Variants in UGT1A9 observed in about 807,000 individuals in gnomAD.
UGT1A9 encodes UDP-glucuronosyltransferase 1A9.
Under a neutral mutation model 45.0 loss-of-function variants are expected in UGT1A9, and 35 were observed. The ratio of observed to expected loss-of-function variants is 0.78; its 90% confidence interval spans 0.59 to 1.03. The LOEUF is 1.03. UGT1A9 is among the 50% of genes least tolerant of loss of function. UGT1A9 has a pLI of 0.00. For missense variants in UGT1A9, 687 were observed against 666.6 expected (o/e 1.03, Z -0.34); for synonymous variants, 278 against 250.6 (o/e 1.11, Z -1.03).
At chr2:233,760,687 A>C in intron 1 of UGT1A9, 1 of 1,614,232 alleles carries the variant, frequency 6.2e-7, no homozygotes, top group Non-Finnish European at 8.5e-7. Context: ...ACTGCACAAC[A>C]AGGAGCTCAT....
At chr2:233,731,558 G>C (rs955136214) in intron 1 of UGT1A9, among the ~76,000 whole-genome samples, 5 of 152,170 alleles carry the variant, frequency 3.3e-5, no homozygotes, top group Non-Finnish European at 5.9e-5. Context: ...CCATGTGATA[G>C]TTTGCTGAGA....
Position 233,772,431 on chromosome 2 carries a change from A to G in UGT1A9, c.1465A>G (p.Ile489Val), listed in dbSNP as rs2126066962. The G allele has an allele frequency of 4.3e-6, 7 of 1,614,128 alleles. No individual in the cohort carries two copies. The East Asian group carries it at 1.6e-4, about 36-fold the overall frequency. The change falls in exon 5 of 5, where the codon ATT (isoleucine) becomes GTT (valine). Residue 489 changes from isoleucine (I) to valine (V), a missense_variant. By Grantham distance (29) the Ile-to-Val change is conservative (BLOSUM62 3). Coordinates refer to ENST00000354728, the MANE Select transcript of UGT1A9 (RefSeq NM_021027.3). ...TWYQYHSLDV[I>V]GFLLAVVLTV... ...GTACCAGTACCATTCCTTGGACGTG[A>G]TTGGTTTCCTCTTGGCCGTCGTGCT...
intron 1 of UGT1A9, among the ~76,000 whole-genome samples, chr2:233,689,511 A>T (rs1348253197): frequency 1.3e-5 from 2 of 152,244 alleles, no homozygotes; most frequent in Admixed American, 1.3e-4. Flanking sequence ...GAGGTTACAC[A>T]TTGGTTTGGT....
chr2:233,716,591 A>G (rs766346960), intron 1 of UGT1A9, among the ~76,000 whole-genome samples: 5 of 152,152 alleles, frequency 3.3e-5, no homozygotes, highest in Non-Finnish European at 7.4e-5. Context: ...CAAAGAGCAA[A>G]AATTTTAGAA....
chr2:233,672,335 T>C lies in UGT1A9; in HGVS notation c.401T>C (p.Val134Ala), dbSNP rs1414612580. 1.2e-6 allele frequency: 2 copies of C among 1,614,170 alleles called. No individual in the cohort carries two copies. Among genetic ancestry groups the C allele is most frequent in the Admixed American group, 3.3e-5 (2 of 60,014 alleles). ...AGTTTGTTTAAAGACAAAAAATTAG[T>C]AGAATACTTAAAGGAGAGTTCTTTT... is the stretch of plus-strand genomic sequence containing the variant. ...CRSLFKDKKL[V>A]EYLKESSFDA... Residue 134 changes from valine to alanine, a missense_variant, in exon 1 of 5, where the codon GTA (valine) becomes GCA (alanine). Transcript: ENST00000354728.
chr2:233,729,599 C>G (rs61764030), intron 1 of UGT1A9: 161 of 1,613,870 alleles, frequency 1.0e-4, no homozygotes, highest in Admixed American at 2.2e-4. Flanking sequence ...AACCTCTGCG[C>G]GGCAGTGCTG....
At chr2:233,758,568 A>G (rs1462095231) in intron 1 of UGT1A9, among the ~76,000 whole-genome samples, 1 of 152,230 alleles carries the variant, frequency 6.6e-6, no homozygotes, top group Non-Finnish European at 1.5e-5. Context: ...TTGGTCCTAA[A>G]AAATGAAGAG....
intron 1 of UGT1A9, among the ~76,000 whole-genome samples, chr2:233,711,822 A>G (rs2076198725): frequency 6.6e-6 from 1 of 152,234 alleles, no homozygotes; most frequent in Admixed American, 6.5e-5. Context: ...TGGGGCGACC[A>G]GGACAAGGAG....
chr2:233,674,617 A>G (rs2074290357), intron 1 of UGT1A9, among the ~76,000 whole-genome samples: 6 of 150,600 alleles, frequency 4.0e-5, no homozygotes, highest in African/African-American at 1.5e-4. Flanking sequence ...ATCAAACTAT[A>G]TATGGTTTCA....
At chr2:233,745,475 T>C (rs1213140846) in intron 1 of UGT1A9, among the ~76,000 whole-genome samples, 1 of 151,692 alleles carries the variant, frequency 6.6e-6, no homozygotes, top group African/African-American at 2.4e-5. Context: ...GGAAAATGAT[T>C]AACCAAAGAA....
chr2:233,725,179 GAGAGGCAGAGGC>G lies in UGT1A9; in HGVS notation c.856-41825_856-41814del, dbSNP rs879478240. ...CTCTGCATGAGAGGGAGACCGTGGG[GAGAGGCAGAGGC>G]AGAGGCAGAGGCAGAGGCAGAGGCA... On this transcript the variant is annotated intron_variant, in intron 1 of 4. Coordinates refer to ENST00000354728, the MANE Select transcript of UGT1A9 (RefSeq NM_021027.3). Among the ~76,000 whole-genome samples the G allele has an allele frequency of 6.0e-3, 403 of 67,616 alleles. 106 individuals carry two copies. Among genetic ancestry groups the G allele is most frequent in the Middle Eastern group, 0.049 (7 of 142 alleles). 44.4% of individuals were successfully genotyped at this position (67,616 alleles called of 152,430 possible). A position where few individuals can be genotyped will look rare whatever the true frequency, so the allele number is the denominator to read the frequency against.
intron 1 of UGT1A9, among the ~76,000 whole-genome samples, chr2:233,678,992 A>C (rs1356858850): frequency 6.6e-6 from 1 of 152,204 alleles, no homozygotes; most frequent in East Asian, 1.9e-4. Flanking sequence ...CTCTTTCTAT[A>C]ATAACAGTGG....
At chr2:233,682,052 T>C (rs1386550524) in intron 1 of UGT1A9, 3 of 1,613,936 alleles carry the variant, frequency 1.9e-6, no homozygotes, top group Middle Eastern at 1.6e-4. Flanking sequence ...GAGCCACTGG[T>C]TCACCATGCA....
intron 3 of UGT1A9, 27 bp downstream of exon 3, chr2:233,767,963 G>A: frequency 1.2e-6 from 2 of 1,614,136 alleles, no homozygotes; most frequent in Non-Finnish European, 1.7e-6. Context: ...GGATGTATAG[G>A]TCAAACCAGG....
chr2:233,754,686 T>C, intron 1 of UGT1A9: 1 of 484,820 alleles, frequency 2.1e-6, no homozygotes, highest in Non-Finnish European at 4.0e-6. Flanking sequence ...ATCAACTATT[T>C]CAGTGGAAGT....
Position 233,712,926 on chromosome 2 carries a change from C to T in UGT1A9, c.855+40137C>T, listed in dbSNP as rs185804410. ...TGTCTCAGTGACAAGGTAATTAAGA[C>T]GAAGGAAACAATTCTAGGAGGCACA... On this transcript the variant is annotated intron_variant, in intron 1 of 4. Transcript: ENST00000354728. 3.1e-4 allele frequency: 497 copies of T among 1,611,970 alleles called. 2 individuals carry two copies. In the African/African-American group the frequency reaches 4.1e-3, roughly 13 times the overall value.
intron 1 of UGT1A9, among the ~76,000 whole-genome samples, chr2:233,686,207 AG>A (rs2074777882): frequency 6.6e-6 from 1 of 152,184 alleles, no homozygotes; most frequent in African/African-American, 2.4e-5. Context: ...AGAAAAAATT[AG>A]AAAAATATTT....
At chr2:233,712,570 G>T (rs2125629003) in intron 1 of UGT1A9, among the ~76,000 whole-genome samples, 1 of 152,240 alleles carries the variant, frequency 6.6e-6, no homozygotes, top group South Asian at 2.1e-4. Flanking sequence ...TAGCAAATAG[G>T]GTCACATCCA....
At chr2:233,720,781 C>G (rs2076890046) in intron 1 of UGT1A9, among the ~76,000 whole-genome samples, 1 of 151,290 alleles carries the variant, frequency 6.6e-6, no homozygotes, top group South Asian at 2.1e-4. Flanking sequence ...TCTCCGCTCA[C>G]TGCAACCTTC....
Sources: gnomAD v4.1 joint callset for allele counts (sites outside exome capture counted in the v4.1 genomes callset) on GRCh38, gnomAD v4.1.1 for gene constraint, MANE v1.5 for transcripts, NCBI Gene and HGNC (gene_info 2026-07-23, HGNC 2026-07-21) for gene names.